The following NBEA variants were observed in gnomAD, a reference collection of about 807,000 sequenced individuals.
NBEA encodes lysosomal-trafficking regulator 2.
In NBEA, 44 loss-of-function variants were observed where a neutral mutation model predicts 343.4. That is an observed-to-expected ratio of 0.13 (90% CI 0.10 to 0.16). NBEA has a LOEUF of 0.16. NBEA is among the 10% of genes least tolerant of loss of function. The probability of loss-of-function intolerance (pLI) is 1.00; values close to 1 mark genes in which losing one functional copy is unlikely to be tolerated. For synonymous variants in NBEA, 1,175 were observed against 1,238.7 expected, an observed-to-expected ratio of 0.95 and a Z score of 1.08; for missense variants, 2,555 against 3,631.3, an observed-to-expected ratio of 0.70 and a Z score of 7.62.
At chr13:35,071,677 C>T (rs2063878640) in intron 10 of NBEA, among the ~76,000 whole-genome samples, 1 of 151,660 alleles carries the variant, frequency 6.6e-6, no homozygotes, top group Admixed American at 6.6e-5. Flanking sequence ...ACATGAGCTC[C>T]TTAATGGGTT....
chr13:35,298,001 C>G (rs1410693470), intron 35 of NBEA, among the ~76,000 whole-genome samples: 3 of 151,404 alleles, frequency 2.0e-5, no homozygotes, highest in Non-Finnish European at 3.0e-5. Context: ...ACTTTTTACT[C>G]CCCCAAAACT....
At chr13:35,099,025 C>CTTTTTT (rs35150346) in intron 11 of NBEA, among the ~76,000 whole-genome samples, 1 of 125,866 alleles carries the variant, frequency 7.9e-6, no homozygotes, top group African/African-American at 3.0e-5. Context: ...TTCACTTAGA[C>CTTTTTT]TTTTTTTTTT....
chr13:35,338,519 G>A (rs947923272), intron 36 of NBEA, among the ~76,000 whole-genome samples: 1 of 152,036 alleles, frequency 6.6e-6, no homozygotes, highest in Non-Finnish European at 1.5e-5. Context: ...CCCTGGTAAT[G>A]CTATCAAACA....
chr13:35,666,341 A>T (rs1213614728), intron 56 of NBEA, among the ~76,000 whole-genome samples: 1 of 151,856 alleles, frequency 6.6e-6, no homozygotes, highest in Non-Finnish European at 1.5e-5. Flanking sequence ...AAATGGACAC[A>T]TAGGATATTT....
Position 35,577,592 on chromosome 13 carries a change from A to G in NBEA, c.7036-6306A>G, listed in dbSNP as rs140837440. ...TGCTATGAATATTTTTCACTTTGTT[A>G]TGTCTTTCGATTTTTGCATAAAATT... is the stretch of plus-strand genomic sequence containing the variant. On this transcript the variant is annotated intron_variant, in intron 45 of 58. Coordinates refer to ENST00000379939, the MANE Select transcript of NBEA (RefSeq NM_001385012.1). 7.9e-4 allele frequency among the ~76,000 whole-genome samples: 120 copies of G among 152,120 alleles called. 1 individual carries two copies. Among genetic ancestry groups the G allele is most frequent in the African/African-American group, 2.8e-3 (115 of 41,512 alleles).
chr13:35,335,620 A>G (rs1270221932), intron 36 of NBEA, among the ~76,000 whole-genome samples: 1 of 152,130 alleles, frequency 6.6e-6, no homozygotes, highest in East Asian at 1.9e-4. Flanking sequence ...TTTTAGACTT[A>G]TGATGGTTTT....
chr13:35,032,050 T>C (rs1235940721), intron 1 of NBEA, among the ~76,000 whole-genome samples: 2 of 151,810 alleles, frequency 1.3e-5, no homozygotes, highest in African/African-American at 4.8e-5. Context: ...CATTCTGTCA[T>C]TGATGGGCAT....
intron 41 of NBEA, among the ~76,000 whole-genome samples, chr13:35,495,171 T>TA (rs1279492716): frequency 1.3e-5 from 2 of 151,568 alleles, no homozygotes; most frequent in Admixed American, 6.6e-5. Context: ...AATAAAAAGA[T>TA]AAAAAAAGAT....
At chr13:35,537,446 A>G (rs2078614443) in intron 41 of NBEA, among the ~76,000 whole-genome samples, 2 of 151,670 alleles carry the variant, frequency 1.3e-5, no homozygotes, top group African/African-American at 4.8e-5. Flanking sequence ...GCTAAGTAAT[A>G]GAGATACAGT....
chr13:35,411,403 G>T (rs1013351686), intron 38 of NBEA, among the ~76,000 whole-genome samples: 1 of 151,560 alleles, frequency 6.6e-6, no homozygotes, highest in Admixed American at 6.6e-5. Flanking sequence ...TTGATGAATT[G>T]TTGTAGATGA....
intron 11 of NBEA, among the ~76,000 whole-genome samples, chr13:35,108,793 A>G (rs1366206916): frequency 6.6e-6 from 1 of 152,096 alleles, no homozygotes; most frequent in African/African-American, 2.4e-5. Context: ...TTCAGCATAG[A>G]CATAGTGTTA....
chr13:35,035,836 T>C (rs1198449009), intron 1 of NBEA, among the ~76,000 whole-genome samples: 2 of 151,974 alleles, frequency 1.3e-5, no homozygotes, highest in African/African-American at 2.4e-5. Flanking sequence ...TGACTTCTGC[T>C]CTTTTTTTGG....
chr13:35,509,524 A>G (rs138861649), intron 41 of NBEA, among the ~76,000 whole-genome samples: 1 of 152,202 alleles, frequency 6.6e-6, no homozygotes. Flanking sequence ...CTAAGAGCCC[A>G]GTCTGCTAGG....
intron 34 of NBEA, among the ~76,000 whole-genome samples, chr13:35,248,275 A>T (rs909619490): frequency 6.6e-6 from 1 of 152,344 alleles, no homozygotes; most frequent in East Asian, 1.9e-4. Flanking sequence ...AGTAAATTTT[A>T]TTACTGAAAT....
At chr13:35,523,505 G>T (rs1046200303) in intron 41 of NBEA, among the ~76,000 whole-genome samples, 2 of 152,160 alleles carry the variant, frequency 1.3e-5, no homozygotes, top group Non-Finnish European at 2.9e-5. Context: ...TGAGCAGTCT[G>T]GGCTGGACCC....
intron 23 of NBEA, among the ~76,000 whole-genome samples, chr13:35,162,549 C>A (rs2069648612): frequency 6.6e-6 from 1 of 152,074 alleles, no homozygotes; most frequent in Non-Finnish European, 1.5e-5. Flanking sequence ...TCCTCTTCTT[C>A]CTGTTTTTCC....
rs555023934 is a variant in NBEA, at chr13:35,010,761, T to C, written c.295-30172T>C. The stretch of plus-strand genomic sequence containing the variant: ...AAAAAAATATATATATATATATATA[T>C]ATATATATATATATATATAAGCTGG... On this transcript the variant is annotated intron_variant, in intron 1 of 58. Coordinates refer to ENST00000379939, the MANE Select transcript of NBEA (RefSeq NM_001385012.1). Among the ~76,000 whole-genome samples the C allele has an allele frequency of 3.1e-3, 340 of 111,180 alleles. 22 individuals carry two copies. The highest frequency in any genetic ancestry group is 0.012 in the African/African-American group (312 of 26,938). The allele number at this position is 111,180 out of a possible 152,430, so 72.9% of individuals were successfully genotyped here.
chr13:35,145,037 T>C (rs889957744), intron 18 of NBEA, among the ~76,000 whole-genome samples: 27 of 152,198 alleles, frequency 1.8e-4, no homozygotes, highest in African/African-American at 6.5e-4. Context: ...AGCCTGTTAG[T>C]AAATCTTTTG....
chr13:35,584,401 C>G (rs1056067898), intron 46 of NBEA, among the ~76,000 whole-genome samples: 1 of 151,606 alleles, frequency 6.6e-6, no homozygotes, highest in African/African-American at 2.4e-5. Context: ...TCACAGCAGC[C>G]TTGAACCCCT....
Sources: gnomAD v4.1 joint callset for allele counts (sites outside exome capture counted in the v4.1 genomes callset) on GRCh38, gnomAD v4.1.1 for gene constraint, MANE v1.5 for transcripts, NCBI Gene and HGNC (gene_info 2026-07-23, HGNC 2026-07-21) for gene names.